SLC9C2: variants seen among roughly 807,000 people sequenced by gnomAD.
The protein encoded by SLC9C2 is sodium/hydrogen exchanger 11.
A neutral mutation model predicts 140.2 loss-of-function variants in SLC9C2; 75 were observed. The ratio of observed to expected loss-of-function variants is 0.53; its 90% CI spans 0.44 to 0.65. SLC9C2 has a LOEUF of 0.65. Among genes scored for constraint, SLC9C2 ranks in the 30% least tolerant of loss-of-function variants. The probability of loss-of-function intolerance (pLI) is 0.00; values close to 1 mark genes in which losing one functional copy is unlikely to be tolerated. For synonymous variants in SLC9C2, 375 were observed against 420.9 expected, an observed-to-expected ratio of 0.89 and a Z score of 1.34; for missense variants, 1,074 against 1,331.8, an observed-to-expected ratio of 0.81 and a Z score of 3.01.
At chr1:173,540,692 C>T (rs936068429) in intron 13 of SLC9C2, among the ~76,000 whole-genome samples, 5 of 152,104 alleles carry the variant, frequency 3.3e-5, no homozygotes, top group Admixed American at 2.0e-4. Context: ...TTCTAATATT[C>T]CAGGAACATT....
In SLC9C2 at chr1:173,524,796, C is replaced by G. The variant is rs1447437743; in HGVS notation, c.2497G>C (p.Val833Leu). The change falls in exon 20 of 28, where the codon GTC becomes CTC. Residue 833 changes from valine to leucine, a missense_variant. By Grantham distance (32) the Val-to-Leu change is conservative. Transcript: ENST00000367714. ...CSRGIIDKHE[V>L]IEINKVLLKK... ...AAAATTACCTTATTTATCTCAATGA[C>G]TTCATGCTTATCAATAATGCCTCTT... 6.2e-7 allele frequency: 1 copy of G among 1,613,970 alleles called. No homozygotes were observed. The highest frequency in any genetic ancestry group is 1.1e-5 in the South Asian group (1 of 91,062).
At chr1:173,559,604 C>T (rs1233188753) in intron 9 of SLC9C2, among the ~76,000 whole-genome samples, 1 of 152,206 alleles carries the variant, frequency 6.6e-6, no homozygotes, top group African/African-American at 2.4e-5. Flanking sequence ...CCATGCAGCC[C>T]TCCAACATGG....
chr1:173,582,137 G>GA, intron 6 of SLC9C2, 129 bp from the exon 7 acceptor site: 1 of 590,146 alleles, frequency 1.7e-6, no homozygotes, highest in Non-Finnish European at 2.8e-6. Flanking sequence ...TTATTTGTCA[G>GA]CAAATAGGAG....
At chr1:173,562,387 A>G (rs1474677820) in intron 9 of SLC9C2, among the ~76,000 whole-genome samples, 2 of 152,230 alleles carry the variant, frequency 1.3e-5, no homozygotes, top group African/African-American at 4.8e-5. Flanking sequence ...TGTAGCTTTC[A>G]GTCTACCTTA....
At position 173,529,907 on chromosome 1, in the gene SLC9C2, G is replaced by A. The variant is rs1661454817; in HGVS notation, c.2311C>T (p.Gln771Ter). The change falls in exon 18 of 28, where the codon CAG (glutamine) becomes TAG (stop). Residue 771 changes from glutamine to a stop codon, truncating the protein, a stop_gained and splice_region_variant. Transcript: ENST00000367714. LOFTEE classifies it high-confidence loss of function. ...AATGACCAGTGCTTGTTTCTCACCTGATATATTGATTCACAGACAGCTATT... is the reference window on the plus strand; with the variant it reads ...AATGACCAGTGCTTGTTTCTCACCTAATATATTGATTCACAGACAGCTATT... ...KQIAVCESIYQKLCEILETNK... is the reference protein window; with the variant it reads ...KQIAVCESIY 1.9e-6 allele frequency: 3 copies of A among 1,606,980 alleles called. No individual in the cohort carries two copies. The highest frequency in any genetic ancestry group is 2.2e-5 in the East Asian group (1 of 44,826).
chr1:173,514,329 C>CTGGGTGCTCCTGTCT (rs1440185995), intron 23 of SLC9C2, among the ~76,000 whole-genome samples: 1 of 152,200 alleles, frequency 6.6e-6, no homozygotes, highest in African/African-American at 2.4e-5. Context: ...CTTTATGAAT[C>CTGGGTGCTCCTGTCT]TGGGTGCTCC....
chr1:173,506,775 T>G, intron 25 of SLC9C2, 81 bp downstream of exon 25: 1 of 1,191,902 alleles, frequency 8.4e-7, no homozygotes, highest in Middle Eastern at 2.0e-4. Flanking sequence ...AAATTTCTTT[T>G]TAAGGTGATC....
At chr1:173,584,305 A>G (rs1276459679) in intron 5 of SLC9C2, among the ~76,000 whole-genome samples, 1 of 152,178 alleles carries the variant, frequency 6.6e-6, no homozygotes, top group Non-Finnish European at 1.5e-5. Context: ...AGACAGATAC[A>G]TAGAAACCAA....
intron 11 of SLC9C2, among the ~76,000 whole-genome samples, chr1:173,554,526 TG>T (rs1663541713): frequency 6.6e-6 from 1 of 152,248 alleles, no homozygotes; most frequent in Non-Finnish European, 1.5e-5. Context: ...CCTTCTGTCT[TG>T]TTTAAGCCTC....
intron 9 of SLC9C2, among the ~76,000 whole-genome samples, chr1:173,558,358 A>G (rs1370424836): frequency 1.3e-5 from 2 of 152,168 alleles, no homozygotes; most frequent in Admixed American, 1.3e-4. Flanking sequence ...AGGCTTACTA[A>G]ATAACCTTTC....
chr1:173,587,948 A>G, intron 4 of SLC9C2, 118 bp from the exon 5 acceptor site: 1 of 736,456 alleles, frequency 1.4e-6, no homozygotes. Flanking sequence ...ACCCTGGAAG[A>G]TAACTTTAAA....
intron 13 of SLC9C2, among the ~76,000 whole-genome samples, chr1:173,547,477 T>C (rs577548862): frequency 2.0e-5 from 3 of 151,358 alleles, no homozygotes; most frequent in South Asian, 2.1e-4. Context: ...TTGCCAGACA[T>C]AGAAACAGGA....
intron 5 of SLC9C2, among the ~76,000 whole-genome samples, chr1:173,586,042 C>T (rs900517685): frequency 6.6e-6 from 1 of 151,754 alleles, no homozygotes; most frequent in South Asian, 2.1e-4. Context: ...AATGTTGAAA[C>T]TGCAATAAAT....
intron 9 of SLC9C2, among the ~76,000 whole-genome samples, chr1:173,560,762 G>T (rs183669356): frequency 5.3e-4 from 81 of 152,028 alleles, no homozygotes; most frequent in Non-Finnish European, 1.2e-3. Context: ...CCCATAACAC[G>T]TTTCTTGTTC....
chr1:173,553,069 G>T (rs1663428246), intron 11 of SLC9C2, among the ~76,000 whole-genome samples: 1 of 152,158 alleles, frequency 6.6e-6, no homozygotes, highest in African/African-American at 2.4e-5. Context: ...ACTTTGAGGG[G>T]TTCAAGACTT....
chr1:173,521,210 T>C (rs1660782858), intron 22 of SLC9C2, 91 bp downstream of exon 22: 1 of 732,862 alleles, frequency 1.4e-6, no homozygotes, highest in Non-Finnish European at 2.1e-6. Flanking sequence ...ATTTAAACTT[T>C]TTCAGTATCT....
intron 7 of SLC9C2, among the ~76,000 whole-genome samples, chr1:173,577,563 T>A (rs1241114609): frequency 6.6e-6 from 1 of 152,074 alleles, no homozygotes; most frequent in Non-Finnish European, 1.5e-5. Flanking sequence ...ACATGAAAGA[T>A]AGGATTGGAA....
chr1:173,530,580 T>A (rs1661511816), intron 17 of SLC9C2, among the ~76,000 whole-genome samples: 1 of 152,194 alleles, frequency 6.6e-6, no homozygotes, highest in African/African-American at 2.4e-5. Flanking sequence ...GAGAATGGGA[T>A]TTTAAATATA....
intron 5 of SLC9C2, among the ~76,000 whole-genome samples, chr1:173,583,836 T>C (rs189912054): frequency 1.3e-5 from 2 of 152,374 alleles, no homozygotes; most frequent in Admixed American, 1.3e-4. Flanking sequence ...AACATGGCGA[T>C]AGCACTGCTT....
Sources: allele counts gnomAD v4.1 joint callset (sites outside exome capture counted in the v4.1 genomes callset), GRCh38; gene constraint gnomAD v4.1.1; transcripts MANE v1.5; gene names NCBI Gene and HGNC (gene_info 2026-07-23, HGNC 2026-07-21).